The following KICS2 variants were observed in gnomAD, a reference collection of about 807,000 sequenced individuals.
KICS2 encodes the protein KICSTOR complex protein C12orf66.
KICS2 carries 13 observed loss-of-function variants against 31.4 expected under a neutral mutation model. The observed-to-expected ratio is 0.41, with a 90% CI of 0.27 to 0.66. The LOEUF (loss-of-function observed/expected upper bound fraction) is 0.66. Among genes scored for constraint, KICS2 ranks in the 30% least tolerant of loss-of-function variants. The pLI is 0.28. For missense variants in KICS2, 455 were observed against 545.4 expected, an observed-to-expected ratio of 0.83 and a Z score of 1.65; for synonymous variants, 209 against 214.8, an observed-to-expected ratio of 0.97 and a Z score of 0.24.
At chr12:64,211,049 G>C (rs1025954516) in intron 2 of KICS2, among the ~76,000 whole-genome samples, 1 of 152,066 alleles carries the variant, frequency 6.6e-6, no homozygotes, top group Non-Finnish European at 1.5e-5. Context: ...GCTCAGGGAT[G>C]GGTATTTTTC....
At chr12:64,218,543 C>A (rs1323210177) in intron 1 of KICS2, among the ~76,000 whole-genome samples, 2 of 152,004 alleles carry the variant, frequency 1.3e-5, no homozygotes, top group Admixed American at 6.6e-5. Context: ...TTTTAAAACT[C>A]CTAATAATAA....
At chr12:64,221,792 C>T (rs949108118) in intron 1 of KICS2, 1 of 631,426 alleles carries the variant, frequency 1.6e-6, no homozygotes, top group Non-Finnish European at 2.7e-6. Context: ...GAGCATCTAC[C>T]CAGTTCGCCA....
rs142688131 is a variant in KICS2, at chr12:64,192,587, C to T, written c.*1255G>A. On this transcript the variant is annotated 3_prime_UTR_variant, in exon 3 of 3. Transcript: ENST00000398055. ...TCATGGGAAAAAAGACGAATATGAC[C>T]ATTACATTTCACACAAGCTTCAAAG... 2 of 984,672 alleles carry T rather than the reference C, an allele frequency of 2.0e-6. No homozygotes were observed. The highest frequency in any genetic ancestry group is 3.5e-5 in the African/African-American group (2 of 57,324). 61.0% of individuals were successfully genotyped at this position (984,672 alleles called of 1,614,324 possible). A position where few individuals can be genotyped will look rare whatever the true frequency, so the allele number is the denominator to read the frequency against.
chr12:64,222,011 T>C lies in KICS2; in HGVS notation c.227A>G (p.Gln76Arg). The change falls in exon 1 of 3, where the codon CAG becomes CGG. Residue 76 changes from glutamine to arginine, a missense_variant. Physicochemically the swap from Gln to Arg is conservative, Grantham distance 43 (BLOSUM62 1). Transcript: ENST00000398055. ...GGGCGGGGCGGAGGTACCTAGTTTC[T>C]GCCCCAGGTAGGTGAGGCTGTGATA... is the stretch of plus-strand genomic sequence containing the variant. ...KVYHSLTYLG[Q>R]KLGGQSFFSR... The C allele has an allele frequency of 1.2e-6, 2 of 1,613,340 alleles. No homozygotes were observed. Among genetic ancestry groups the C allele is most frequent in the Non-Finnish European group, 1.7e-6 (2 of 1,179,682 alleles).
In KICS2 at chr12:64,193,916, A is replaced by G. The variant is rs1357215679; in HGVS notation, c.1264T>C (p.Phe422Leu). ...KSERDSHFIS[F>L]LNEVSLALKN... is the part of the protein sequence containing the mutation. ...AGGGCAAGTGAGACCTCATTGAGGA[A>G]GGAAATAAAGTGGGAGTCTCTCTCA... is the stretch of plus-strand genomic sequence containing the variant. The change falls in exon 3 of 3, where the codon TTC (phenylalanine) becomes CTC (leucine). Residue 422 changes from phenylalanine to leucine, a missense_variant. Transcript: ENST00000398055. 3.1e-6 allele frequency: 5 copies of G among 1,614,126 alleles called. No homozygotes were observed. The African/African-American group carries it at 5.3e-5, about 17-fold the overall frequency.
intron 1 of KICS2, among the ~76,000 whole-genome samples, chr12:64,218,386 T>C (rs1453582722): frequency 3.3e-5 from 5 of 152,204 alleles, no homozygotes; most frequent in Non-Finnish European, 7.3e-5. Flanking sequence ...CTGAACCACT[T>C]TGAGCTTTAG....
chr12:64,209,897 T>C (rs1268594679), intron 2 of KICS2, among the ~76,000 whole-genome samples: 1 of 152,228 alleles, frequency 6.6e-6, no homozygotes, highest in Non-Finnish European at 1.5e-5. Flanking sequence ...GGACATTCCC[T>C]GAAAGATAAA....
In KICS2 at chr12:64,215,860, C is replaced by G; in HGVS notation, c.339G>C (p.Gly113=). The change falls in exon 2 of 3, where the codon GGG becomes GGC. Residue 113 remains glycine, a synonymous_variant. Transcript: ENST00000398055. ...KVVTGRGALG[G]TAPHVEELLS... is the part of the protein sequence containing the mutation. ...GGAGTTCTTCCACGTGAGGAGCAGT[C>G]CCACCCAGGGCACCACGGCCAGTCA... 13 of 1,613,802 alleles carry G rather than the reference C, an allele frequency of 8.1e-6. No individual in the cohort carries two copies. Among genetic ancestry groups the G allele is most frequent in the Non-Finnish European group, 9.3e-6 (11 of 1,179,912 alleles).
At position 64,220,196 on chromosome 12, in the gene KICS2, T is replaced by C. The variant is rs150385890; in HGVS notation, c.235+1807A>G. 4.5e-3 allele frequency among the ~76,000 whole-genome samples: 689 copies of C among 152,296 alleles called. 5 individuals carry two copies. The highest frequency in any genetic ancestry group is 0.015 in the African/African-American group (642 of 41,558). ...ATGTTTCACAGCACCAAATGTTGTATAGGTCAGTTTCAAGGCATAGTCCTC... is the reference window on the plus strand; with the variant it reads ...ATGTTTCACAGCACCAAATGTTGTACAGGTCAGTTTCAAGGCATAGTCCTC... On this transcript the variant is annotated intron_variant, in intron 1 of 2. Transcript: ENST00000398055.
chr12:64,210,334 T>A (rs2037571970), intron 2 of KICS2, among the ~76,000 whole-genome samples: 1 of 152,158 alleles, frequency 6.6e-6, no homozygotes, highest in Admixed American at 6.5e-5. Context: ...TCCAACTCCA[T>A]CAATATCCAC....
At position 64,193,645 on chromosome 12, in the gene KICS2, T is replaced by C; in HGVS notation, c.*197A>G. The C allele has an allele frequency of 7.1e-7, 1 of 1,408,566 alleles. No individual in the cohort carries two copies. Among genetic ancestry groups the C allele is most frequent in the Non-Finnish European group, 9.2e-7 (1 of 1,086,464 alleles). 87.3% of individuals were successfully genotyped at this position (1,408,566 alleles called of 1,614,324 possible). On this transcript the variant is annotated 3_prime_UTR_variant, in exon 3 of 3. Coordinates refer to ENST00000398055, the MANE Select transcript of KICS2 (RefSeq NM_152440.5). The stretch of plus-strand genomic sequence containing the variant: ...GAGACACATGGTAGCCCATGACCAC[T>C]TCCTAGATTACTCTTTGGAAACTTA...
intron 2 of KICS2, among the ~76,000 whole-genome samples, chr12:64,206,403 C>A (rs1022210968): frequency 6.6e-6 from 1 of 152,146 alleles, no homozygotes; most frequent in Non-Finnish European, 1.5e-5. Flanking sequence ...TGCTTAAACA[C>A]CAATACATTG....
intron 2 of KICS2, among the ~76,000 whole-genome samples, chr12:64,207,301 C>CAAAAAAAAA (rs35532711): frequency 1.7e-5 from 1 of 57,344 alleles, no homozygotes; most frequent in African/African-American, 6.6e-5. Flanking sequence ...CAACTCGTCT[C>CAAAAAAAAA]AAAAAAAAAA....
Position 64,191,183 on chromosome 12 carries a change from G to C in KICS2, c.*2659C>G, listed in dbSNP as rs1039295438. The C allele has an allele frequency of 6.6e-6, 1 of 152,152 alleles. No homozygotes were observed. The highest frequency in any genetic ancestry group is 1.5e-5 in the Non-Finnish European group (1 of 68,014). 9.4% of individuals were successfully genotyped at this position (152,152 alleles called of 1,614,324 possible). Reference sequence around the variant, plus strand: ...GTAAAATGACTTTGTTTCTTGGCTTGAACCAAATTATGTGGAGTTTTTATA... The same window carrying C: ...GTAAAATGACTTTGTTTCTTGGCTTCAACCAAATTATGTGGAGTTTTTATA... On this transcript the variant is annotated 3_prime_UTR_variant, in exon 3 of 3. Transcript: ENST00000398055.
At chr12:64,206,128 C>T (rs2037537193) in intron 2 of KICS2, among the ~76,000 whole-genome samples, 1 of 152,126 alleles carries the variant, frequency 6.6e-6, no homozygotes, top group Non-Finnish European at 1.5e-5. Flanking sequence ...CTATGTTTCC[C>T]AGGGTGGTCT....
chr12:64,201,610 A>C (rs2037489782), intron 2 of KICS2, among the ~76,000 whole-genome samples: 1 of 123,978 alleles, frequency 8.1e-6, no homozygotes, highest in East Asian at 2.7e-4. Flanking sequence ...TATAATAAAA[A>C]AAAAAAAAGA....
In KICS2 at chr12:64,191,097, T is replaced by C. The variant is rs2037374795; in HGVS notation, c.*2745A>G. On this transcript the variant is annotated 3_prime_UTR_variant, in exon 3 of 3. Transcript: ENST00000398055. ...GCAGAAAATACGCAGATTTACTCTT[T>C]TAATTAGCAAAACACAGACTTTACA... The C allele has an allele frequency of 6.6e-6, 1 of 152,246 alleles. No homozygotes were observed. The highest frequency in any genetic ancestry group is 2.1e-4 in the South Asian group (1 of 4,838). The allele number at this position is 152,246 out of a possible 1,614,324, so 9.4% of individuals were successfully genotyped here. A position where few individuals can be genotyped will look rare whatever the true frequency, so the allele number is the denominator to read the frequency against.
chr12:64,195,546 T>C (rs2136688880), intron 2 of KICS2, among the ~76,000 whole-genome samples: 1 of 152,344 alleles, frequency 6.6e-6, no homozygotes, highest in Non-Finnish European at 1.5e-5. Context: ...GGTTCCCAAA[T>C]TCCCTTCATA....
At chr12:64,187,027 C>T (rs1405782225), downstream of KICS2, 1 of 152,542 alleles carries the variant, frequency 6.6e-6, no homozygotes, top group Non-Finnish European at 1.5e-5. Flanking sequence ...TGAGTCTAGA[C>T]CTAAGCTGGA....
Sources: gnomAD v4.1 joint callset for allele counts (sites outside exome capture counted in the v4.1 genomes callset) on GRCh38, gnomAD v4.1.1 for gene constraint, MANE v1.5 for transcripts, NCBI Gene and HGNC (gene_info 2026-07-23, HGNC 2026-07-21) for gene names.